Variants in ZCCHC2 observed in about 807,000 individuals in gnomAD.
ZCCHC2 encodes the protein zinc finger CCHC-type containing 2.
Under a neutral mutation model 103.6 loss-of-function variants are expected in ZCCHC2, and 39 were observed. The observed-to-expected ratio is 0.38, with a 90% CI of 0.29 to 0.49. The LOEUF is 0.49. Ranked by LOEUF, ZCCHC2 falls within the 20% of genes least tolerant of loss-of-function variation. The pLI, the probability that ZCCHC2 is intolerant of heterozygous loss-of-function variation, is 0.96. For missense variants in ZCCHC2, 1,483 were observed against 1,491.0 expected (o/e 0.99, Z 0.09); for synonymous variants, 687 against 608.9 (o/e 1.13, Z -1.89).
chr18:62,574,740 G>A lies in ZCCHC2; in HGVS notation c.2659G>A (p.Gly887Arg). 2 of 1,613,960 alleles carry A rather than the reference G, an allele frequency of 1.2e-6. No individual in the cohort carries two copies. Among genetic ancestry groups the A allele is most frequent in the Non-Finnish European group, 1.7e-6 (2 of 1,179,882 alleles). Residue 887 changes from glycine (G) to arginine (R), a missense_variant, in exon 13 of 14, where the codon GGA becomes AGA. Gly to Arg is a moderately radical substitution (Grantham distance 125, BLOSUM62 -2). Around this residue, in one of 3 missense-constraint regions of ZCCHC2, gnomAD observed 884 missense variants for 907.5 expected, o/e 0.97. Coordinates refer to ENST00000269499, the MANE Select transcript of ZCCHC2 (RefSeq NM_017742.6). ...CAATCAAATGGTGCCTCAAATTGAGGGAAACACAGGGACAGTCCCTCAGCC... is the reference window on the plus strand; with the variant it reads ...CAATCAAATGGTGCCTCAAATTGAGAGAAACACAGGGACAGTCCCTCAGCC... ...GLNQMVPQIE[G>R]NTGTVPQPTN... is the part of the protein sequence containing the mutation.
chr18:62,542,410 A>G (rs2145498033), intron 2 of ZCCHC2, 88 bp from the exon 3 acceptor site: 4 of 921,080 alleles, frequency 4.3e-6, no homozygotes, highest in Non-Finnish European at 6.6e-6. Flanking sequence ...ATTGTTAAGC[A>G]CTTGTCAACT....
At chr18:62,576,366 A>G (rs1243306228) in intron 13 of ZCCHC2, 146 bp from the exon 14 acceptor site, 2 of 609,326 alleles carry the variant, frequency 3.3e-6, no homozygotes, top group Non-Finnish European at 6.0e-6. Context: ...ATTGCTTTTT[A>G]AAGTGAGCGG....
Position 62,523,631 on chromosome 18 carries a change from G to T in ZCCHC2, c.207G>T (p.Pro69=). The T allele has an allele frequency of 5.6e-6, 7 of 1,241,874 alleles. No individual in the cohort carries two copies. Among genetic ancestry groups the T allele is most frequent in the Non-Finnish European group, 7.0e-6 (7 of 994,660 alleles). 76.9% of individuals were successfully genotyped at this position (1,241,874 alleles called of 1,614,324 possible). A position where few individuals can be genotyped will look rare whatever the true frequency, so the allele number is the denominator to read the frequency against. ...PPPPPPRGLG[P]PVAGGAAAGA... ...CGCCGCCGCCCCGGGGACTCGGGCCGCCTGTTGCTGGTGGAGCGGCGGCGG... is the reference window on the plus strand; with the variant it reads ...CGCCGCCGCCCCGGGGACTCGGGCCTCCTGTTGCTGGTGGAGCGGCGGCGG... The change falls in exon 1 of 14, where the codon CCG becomes CCT. Residue 69 remains proline, a synonymous_variant. Coordinates refer to ENST00000269499, the MANE Select transcript of ZCCHC2 (RefSeq NM_017742.6).
exon 15 of ZCCHC2, chr18:62,586,077 C>T (rs1445170431): frequency 1.3e-5 from 2 of 150,068 alleles, no homozygotes; most frequent in African/African-American, 4.9e-5. Context: ...CACTCATGGG[C>T]CACCAGCCCT....
At chr18:62,566,443 G>T (rs138634221) in intron 11 of ZCCHC2, among the ~76,000 whole-genome samples, 1 of 152,312 alleles carries the variant, frequency 6.6e-6, no homozygotes, top group Non-Finnish European at 1.5e-5. Flanking sequence ...GAGGAAGACA[G>T]AAGTCTGTCG....
intron 12 of ZCCHC2, among the ~76,000 whole-genome samples, chr18:62,570,634 AT>A (rs540850008): frequency 6.6e-6 from 1 of 152,060 alleles, no homozygotes; most frequent in Non-Finnish European, 1.5e-5. Context: ...CTTAAAGTCT[AT>A]TTTGTCTGAG....
At chr18:62,539,509 C>A (rs930458509) in intron 1 of ZCCHC2, 172 bp from the exon 2 acceptor site, 1 of 515,660 alleles carries the variant, frequency 1.9e-6, no homozygotes, top group Non-Finnish European at 3.5e-6. Flanking sequence ...GAGTGCTCAT[C>A]TTCTGCTTGC....
intron 6 of ZCCHC2, among the ~76,000 whole-genome samples, chr18:62,557,647 CT>C (rs1915950479): frequency 6.6e-6 from 1 of 152,218 alleles, no homozygotes; most frequent in Non-Finnish European, 1.5e-5. Context: ...ACCATCAGTG[CT>C]TTCCCCCTGC....
At chr18:62,539,476 G>A (rs1915078726) in intron 1 of ZCCHC2, 1 of 466,700 alleles carries the variant, frequency 2.1e-6, no homozygotes, top group African/African-American at 2.0e-5. Flanking sequence ...TCCCAAGAAA[G>A]CTAGGACAGT....
At chr18:62,553,154 TTATGTG>T (rs1466001840) in intron 5 of ZCCHC2, among the ~76,000 whole-genome samples, 29 of 125,816 alleles carry the variant, frequency 2.3e-4, no homozygotes, top group African/African-American at 7.9e-4. Context: ...GCCCTTAGAT[TTATGTG>T]TGTGTGTGTG....
At chr18:62,530,879 A>G (rs1485341168) in intron 1 of ZCCHC2, among the ~76,000 whole-genome samples, 1 of 152,214 alleles carries the variant, frequency 6.6e-6, no homozygotes, top group African/African-American at 2.4e-5. Flanking sequence ...TTAGCTAGAA[A>G]ACTATTCTAT....
chr18:62,539,515 C>T (rs1267167348), intron 1 of ZCCHC2, 166 bp from the exon 2 acceptor site: 2 of 522,422 alleles, frequency 3.8e-6, no homozygotes, highest in Non-Finnish European at 6.9e-6. Flanking sequence ...TCATCTTCTG[C>T]TTGCGGCTCT....
chr18:62,556,933 C>T (rs138056325), intron 6 of ZCCHC2, among the ~76,000 whole-genome samples: 1 of 152,282 alleles, frequency 6.6e-6, no homozygotes, highest in East Asian at 1.9e-4. Flanking sequence ...AAATTCAGGC[C>T]TCACTGTGAC....
At chr18:62,573,436 A>T (rs938210692) in intron 12 of ZCCHC2, among the ~76,000 whole-genome samples, 2 of 152,094 alleles carry the variant, frequency 1.3e-5, no homozygotes, top group Non-Finnish European at 2.9e-5. Context: ...TTTTGGAGAA[A>T]TTGCCACACT....
In ZCCHC2 at chr18:62,567,944, CA is replaced by C. The variant is rs71888422; in HGVS notation, c.1847-2144del. Among the ~76,000 whole-genome samples the C allele has an allele frequency of 9.5e-4, 77 of 81,434 alleles. 4 individuals are homozygous for C. Among genetic ancestry groups the C allele is most frequent in the African/African-American group, 2.7e-3 (40 of 14,618 alleles). 53.4% of individuals were successfully genotyped at this position (81,434 alleles called of 152,430 possible). A position where few individuals can be genotyped will look rare whatever the true frequency, so the allele number is the denominator to read the frequency against. On this transcript the variant is annotated intron_variant, in intron 11 of 13. Transcript: ENST00000269499. Reference sequence around the variant, plus strand: ...GGGGCGACAGAATGAGACTCTGTCTCAAAAAAAAAAAAAAAGAATGCTCATC... The same window carrying C: ...GGGGCGACAGAATGAGACTCTGTCTCAAAAAAAAAAAAAAGAATGCTCATC...
chr18:62,580,047 CTTGT>C (rs1191976679), downstream of ZCCHC2, among the ~76,000 whole-genome samples: 1 of 152,190 alleles, frequency 6.6e-6, no homozygotes, highest in Non-Finnish European at 1.5e-5. Flanking sequence ...TACTCTTTTA[CTTGT>C]TTATTTCCCC....
At chr18:62,535,891 CAGA>C (rs1172625324) in intron 1 of ZCCHC2, among the ~76,000 whole-genome samples, 30 of 152,194 alleles carry the variant, frequency 2.0e-4, no homozygotes, top group African/African-American at 7.2e-4. Context: ...GGGAAAACTT[CAGA>C]AGAAGTTAGT....
intron 1 of ZCCHC2, among the ~76,000 whole-genome samples, chr18:62,528,232 TTCA>T (rs1417457709): frequency 6.6e-6 from 1 of 152,242 alleles, no homozygotes; most frequent in African/African-American, 2.4e-5. Flanking sequence ...CATATTTGAG[TTCA>T]TCATTTGAAT....
intron 2 of ZCCHC2, 52 bp downstream of exon 2, chr18:62,539,844 G>C: frequency 7.1e-7 from 1 of 1,411,728 alleles, no homozygotes; most frequent in Non-Finnish European, 9.8e-7. Context: ...AAAGATTACA[G>C]GGTGCTCTTT....
Sources: gnomAD v4.1 joint callset for allele counts (sites outside exome capture counted in the v4.1 genomes callset) on GRCh38, gnomAD v4.1.1 for gene constraint, gnomAD v4.1.1 regional missense constraint, MANE v1.5 for transcripts, NCBI Gene and HGNC (gene_info 2026-07-23, HGNC 2026-07-21) for gene names.